Variants in CNOT6L observed in about 807,000 individuals in gnomAD.
CNOT6L encodes CCR4-NOT transcription complex subunit 6-like.
CNOT6L carries 7 observed loss-of-function variants against 64.0 expected under a neutral mutation model. That is an observed-to-expected ratio of 0.11 (90% CI 0.06 to 0.21). The LOEUF (loss-of-function observed/expected upper bound fraction) is 0.21, where lower values mean the gene tolerates loss of function less well. Ranked by LOEUF, CNOT6L falls within the 10% of genes least tolerant of loss-of-function variation. The pLI is 1.00. For missense variants in CNOT6L, 245 were observed against 669.0 expected (o/e 0.37, Z 6.99); for synonymous variants, 193 against 243.4 (o/e 0.79, Z 1.93).
chr4:77,807,878 A>G (rs1226769571), intron 1 of CNOT6L, among the ~76,000 whole-genome samples: 2 of 152,156 alleles, frequency 1.3e-5, no homozygotes, highest in Non-Finnish European at 2.9e-5. Context: ...CTAAGCTTCA[A>G]TTTCCTCAAC....
At chr4:77,819,425 G>A (rs1734047024), upstream of CNOT6L, 1 of 1,593,124 alleles carries the variant, frequency 6.3e-7, no homozygotes. Flanking sequence ...CTCCAGAGCC[G>A]CGGCCGCAGA....
intron 8 of CNOT6L, among the ~76,000 whole-genome samples, chr4:77,738,684 C>T (rs765897229): frequency 1.2e-4 from 16 of 135,788 alleles, no homozygotes; most frequent in Middle Eastern, 4.5e-3. Context: ...ACCTGGGAGG[C>T]GGAGGTTGCA....
chr4:77,799,705 A>C (rs1578000092), intron 1 of CNOT6L, among the ~76,000 whole-genome samples: 1 of 29,426 alleles, frequency 3.4e-5, no homozygotes. Context: ...ACTCCATCTC[A>C]AAAAAAAAAA....
At chr4:77,763,818 T>G (rs1726507447) in intron 4 of CNOT6L, among the ~76,000 whole-genome samples, 1 of 152,168 alleles carries the variant, frequency 6.6e-6, no homozygotes, top group Non-Finnish European at 1.5e-5. Context: ...GGTTTAAAGC[T>G]AACAATAAAA....
intron 1 of CNOT6L, among the ~76,000 whole-genome samples, chr4:77,814,296 G>C (rs1733316365): frequency 6.6e-6 from 1 of 152,050 alleles, no homozygotes; most frequent in Non-Finnish European, 1.5e-5. Flanking sequence ...ATTAACTATG[G>C]TGATGGTTGC....
At chr4:77,741,839 T>C (rs1257538109) in intron 8 of CNOT6L, among the ~76,000 whole-genome samples, 1 of 152,178 alleles carries the variant, frequency 6.6e-6, no homozygotes, top group African/African-American at 2.4e-5. Flanking sequence ...CACTTTCTTT[T>C]TTTACACAAA....
chr4:77,778,266 T>C (rs1167867877), intron 1 of CNOT6L, among the ~76,000 whole-genome samples: 1 of 152,126 alleles, frequency 6.6e-6, no homozygotes, highest in Non-Finnish European at 1.5e-5. Context: ...TAAAAGAGTC[T>C]ACAAAAAAAT....
chr4:77,793,199 G>T (rs1271239607), intron 1 of CNOT6L, among the ~76,000 whole-genome samples: 1 of 152,098 alleles, frequency 6.6e-6, no homozygotes, highest in Non-Finnish European at 1.5e-5. Context: ...GTTATGAATT[G>T]TATTTATTTC....
intron 1 of CNOT6L, among the ~76,000 whole-genome samples, chr4:77,788,959 T>C (rs935340539): frequency 6.6e-6 from 1 of 152,124 alleles, no homozygotes; most frequent in Non-Finnish European, 1.5e-5. Flanking sequence ...ACAAGTCTCC[T>C]TTCTCTCTTT....
At chr4:77,787,003 C>T (rs539563875) in intron 1 of CNOT6L, among the ~76,000 whole-genome samples, 258 of 152,154 alleles carry the variant, frequency 1.7e-3, no homozygotes, top group African/African-American at 5.7e-3. Context: ...CAGTGGCTCA[C>T]GCCTGTAATC....
At chr4:77,765,775 T>C (rs1248135392) in intron 4 of CNOT6L, among the ~76,000 whole-genome samples, 1 of 152,206 alleles carries the variant, frequency 6.6e-6, no homozygotes, top group East Asian at 1.9e-4. Flanking sequence ...ATTACTTATA[T>C]AGGCAACTAA....
chr4:77,796,699 T>C (rs756266327), intron 1 of CNOT6L, among the ~76,000 whole-genome samples: 7 of 152,172 alleles, frequency 4.6e-5, no homozygotes, highest in African/African-American at 9.7e-5. Flanking sequence ...TCAGTAATCA[T>C]GGCAATAAGG....
intron 1 of CNOT6L, among the ~76,000 whole-genome samples, chr4:77,816,664 A>C (rs1355940802): frequency 6.6e-6 from 1 of 152,214 alleles, no homozygotes; most frequent in Non-Finnish European, 1.5e-5. Flanking sequence ...AATTTTAGAA[A>C]ATAATATTTT....
intron 9 of CNOT6L, among the ~76,000 whole-genome samples, chr4:77,729,938 T>C (rs1722257683): frequency 1.3e-5 from 2 of 152,124 alleles, no homozygotes; most frequent in Admixed American, 1.3e-4. Context: ...ATTCTGTATG[T>C]TAGTAACTCT....
chr4:77,809,958 A>G (rs754892231), intron 1 of CNOT6L, among the ~76,000 whole-genome samples: 3 of 152,192 alleles, frequency 2.0e-5, no homozygotes, highest in African/African-American at 4.8e-5. Flanking sequence ...GCATCTATTC[A>G]GTACAAATGA....
At chr4:77,794,042 C>T (rs1730489428) in intron 1 of CNOT6L, among the ~76,000 whole-genome samples, 1 of 140,374 alleles carries the variant, frequency 7.1e-6, no homozygotes, top group African/African-American at 2.7e-5. Context: ...ATCCCAGTTA[C>T]TTGGGAGGGT....
chr4:77,763,581 C>T (rs1726483589), intron 4 of CNOT6L, among the ~76,000 whole-genome samples: 1 of 151,984 alleles, frequency 6.6e-6, no homozygotes, highest in African/African-American at 2.4e-5. Flanking sequence ...AACAAAAATA[C>T]AGAAAAAGCC....
At chr4:77,747,487 C>T (rs1346085159) in intron 6 of CNOT6L, among the ~76,000 whole-genome samples, 1 of 152,054 alleles carries the variant, frequency 6.6e-6, no homozygotes, top group Non-Finnish European at 1.5e-5. Flanking sequence ...TAATGTAGTA[C>T]TATTCTGTGA....
At chr4:77,779,777 T>C (rs1331653537) in intron 1 of CNOT6L, among the ~76,000 whole-genome samples, 4 of 152,044 alleles carry the variant, frequency 2.6e-5, no homozygotes, top group African/African-American at 7.2e-5. Flanking sequence ...CTGGCTAACA[T>C]GGTGAAACCC....
Sources: allele counts gnomAD v4.1 joint callset (sites outside exome capture counted in the v4.1 genomes callset), GRCh38; gene constraint gnomAD v4.1.1; transcripts MANE v1.5; gene names NCBI Gene and HGNC (gene_info 2026-07-23, HGNC 2026-07-21).